GABRG3: variants seen among roughly 807,000 people sequenced by gnomAD.
The protein encoded by GABRG3 is gamma-aminobutyric acid type A receptor subunit gamma3.
A neutral mutation model predicts 48.8 loss-of-function variants in GABRG3; 25 were observed. The ratio of observed to expected loss-of-function variants is 0.51; its 90% confidence interval spans 0.37 to 0.72. The LOEUF is 0.72. Ranked by LOEUF, GABRG3 falls within the 30% of genes least tolerant of loss-of-function variation. The pLI, the probability that GABRG3 is intolerant of heterozygous loss-of-function variation, is 0.00. For synonymous variants in GABRG3, 227 were observed against 217.6 expected (o/e 1.04, Z -0.38); for missense variants, 394 against 577.9 (o/e 0.68, Z 3.26).
rs1328375342 is a variant in GABRG3, at chr15:27,537,813, A to AT, written c.*4934dup. The AT allele has an allele frequency of 3.4e-5, 5 of 147,822 alleles. No homozygotes were observed. Among genetic ancestry groups the AT allele is most frequent in the South Asian group, 2.1e-4 (1 of 4,704 alleles). 9.2% of individuals were successfully genotyped at this position (147,822 alleles called of 1,614,324 possible). A position where few individuals can be genotyped will look rare whatever the true frequency, so the allele number is the denominator to read the frequency against. Reference sequence around the variant, plus strand: ...GCAGACTTTCTTTATATTTATTTTTATTATTTATTTATTTATTTATTTATT... The same window carrying AT: ...GCAGACTTTCTTTATATTTATTTTTATTTATTTATTTATTTATTTATTTATT... On this transcript the variant is annotated 3_prime_UTR_variant, in exon 10 of 10. Coordinates refer to ENST00000615808, the MANE Select transcript of GABRG3 (RefSeq NM_033223.5).
chr15:27,025,688 A>T (rs780159833), intron 2 of GABRG3, among the ~76,000 whole-genome samples: 5 of 152,178 alleles, frequency 3.3e-5, no homozygotes, highest in Non-Finnish European at 5.9e-5. Flanking sequence ...GCTGCCATTC[A>T]TTGTTTCAAA....
intron 3 of GABRG3, among the ~76,000 whole-genome samples, chr15:27,145,714 G>A (rs1013406621): frequency 2.0e-5 from 3 of 149,016 alleles, no homozygotes; most frequent in Admixed American, 6.7e-5. Context: ...AAAAAATAAT[G>A]ACCAAAATCT....
At chr15:27,460,229 T>C (rs886138854) in intron 5 of GABRG3, among the ~76,000 whole-genome samples, 23 of 152,376 alleles carry the variant, frequency 1.5e-4, no homozygotes, top group African/African-American at 5.0e-4. Flanking sequence ...TTTTTTGTGG[T>C]AAGTTGCATA....
At chr15:27,317,470 C>T (rs529833017) in intron 3 of GABRG3, among the ~76,000 whole-genome samples, 4 of 152,310 alleles carry the variant, frequency 2.6e-5, no homozygotes, top group Non-Finnish European at 5.9e-5. Flanking sequence ...TCAGTTTCTT[C>T]TTCATCAGCC....
chr15:27,358,192 A>G (rs761219141), intron 5 of GABRG3, among the ~76,000 whole-genome samples: 1 of 152,310 alleles, frequency 6.6e-6, no homozygotes, highest in South Asian at 2.1e-4. Context: ...CTTAGAAGTG[A>G]CAGACTCCAT....
intron 2 of GABRG3, among the ~76,000 whole-genome samples, chr15:26,999,091 T>A (rs1895393131): frequency 6.6e-6 from 1 of 151,018 alleles, no homozygotes; most frequent in African/African-American, 2.4e-5. Flanking sequence ...CCATGGGTTC[T>A]GCATCCATGG....
At chr15:27,492,904 A>G (rs1338803451) in intron 6 of GABRG3, among the ~76,000 whole-genome samples, 6 of 151,634 alleles carry the variant, frequency 4.0e-5, no homozygotes, top group African/African-American at 1.2e-4. Flanking sequence ...CATTTTGAAA[A>G]AGAAAATGCT....
chr15:27,081,794 A>T (rs927092866), intron 3 of GABRG3, among the ~76,000 whole-genome samples: 8 of 152,312 alleles, frequency 5.3e-5, no homozygotes, highest in African/African-American at 1.9e-4. Context: ...GCTCCCCAGG[A>T]GACATACTGC....
rs566875049 is a variant in GABRG3 at position 27,281,254 on chromosome 15, G to T, written c.271-45555G>T. On this transcript the variant is annotated intron_variant, in intron 3 of 9. Coordinates refer to ENST00000615808, the MANE Select transcript of GABRG3 (RefSeq NM_033223.5). Reference sequence around the variant, plus strand: ...TTTAAATGCATTCTACCAATATCTTGTATTTGGTGTATTCAGATCATTATA... The same window carrying T: ...TTTAAATGCATTCTACCAATATCTTTTATTTGGTGTATTCAGATCATTATA... 3.3e-5 allele frequency among the ~76,000 whole-genome samples: 5 copies of T among 152,088 alleles called. No individual in the cohort carries two copies. The South Asian group carries it at 1.0e-3, about 32-fold the overall frequency.
intron 5 of GABRG3, among the ~76,000 whole-genome samples, chr15:27,445,326 T>C (rs1233841217): frequency 6.6e-6 from 1 of 152,222 alleles, no homozygotes; most frequent in Non-Finnish European, 1.5e-5. Flanking sequence ...CAGCAATTTA[T>C]CCACCTCCTC....
chr15:27,463,902 A>G (rs1194847822), intron 5 of GABRG3, among the ~76,000 whole-genome samples: 5 of 152,054 alleles, frequency 3.3e-5, no homozygotes, highest in Admixed American at 3.3e-4. Context: ...TTCAGACAGG[A>G]CCAGCAAACC....
intron 3 of GABRG3, among the ~76,000 whole-genome samples, chr15:27,218,381 C>T (rs986879644): frequency 3.3e-5 from 5 of 152,160 alleles, no homozygotes; most frequent in African/African-American, 9.7e-5. Context: ...GAATTTTATG[C>T]TCTTATTCAG....
intron 3 of GABRG3, among the ~76,000 whole-genome samples, chr15:27,173,235 A>G (rs1199244659): frequency 3.3e-5 from 5 of 152,100 alleles, no homozygotes; most frequent in Non-Finnish European, 5.9e-5. Flanking sequence ...TACCTAATTT[A>G]TTTCAAAATG....
At chr15:27,454,331 T>C (rs2150832288) in intron 5 of GABRG3, among the ~76,000 whole-genome samples, 1 of 152,320 alleles carries the variant, frequency 6.6e-6, no homozygotes, top group Non-Finnish European at 1.5e-5. Flanking sequence ...CCACAAAGCA[T>C]CATAAGCCCA....
intron 5 of GABRG3, among the ~76,000 whole-genome samples, chr15:27,469,535 T>C (rs1889720885): frequency 2.6e-5 from 4 of 151,976 alleles, no homozygotes; most frequent in African/African-American, 9.7e-5. Context: ...GAGATGTGGT[T>C]TTACCATGTT....
intron 2 of GABRG3, among the ~76,000 whole-genome samples, chr15:27,005,417 A>AT (rs1236730057): frequency 2.0e-5 from 3 of 151,944 alleles, no homozygotes; most frequent in Admixed American, 6.6e-5. Flanking sequence ...GCAGCATTTC[A>AT]TTTTTTTCTT....
intron 3 of GABRG3, among the ~76,000 whole-genome samples, chr15:27,127,833 G>A (rs1223025158): frequency 1.3e-5 from 2 of 152,158 alleles, no homozygotes; most frequent in Non-Finnish European, 2.9e-5. Flanking sequence ...GGCAGATTTG[G>A]ACAGCACACA....
At chr15:27,060,803 A>G (rs1896631436) in intron 3 of GABRG3, among the ~76,000 whole-genome samples, 1 of 152,152 alleles carries the variant, frequency 6.6e-6, no homozygotes, top group Non-Finnish European at 1.5e-5. Context: ...TCTCCCCTCC[A>G]TAAAGGGAAT....
intron 3 of GABRG3, among the ~76,000 whole-genome samples, chr15:27,270,813 C>T (rs1049905820): frequency 2.0e-5 from 3 of 152,134 alleles, no homozygotes; most frequent in African/African-American, 7.2e-5. Flanking sequence ...CTTATACGTG[C>T]ACTGAAAGAT....
Sources: allele counts gnomAD v4.1 joint callset (sites outside exome capture counted in the v4.1 genomes callset), GRCh38; gene constraint gnomAD v4.1.1; transcripts MANE v1.5; gene names NCBI Gene and HGNC (gene_info 2026-07-23, HGNC 2026-07-21).